The following SLC12A4 variants were observed in gnomAD, a reference collection of about 807,000 sequenced individuals.
SLC12A4 encodes electroneutral potassium-chloride cotransporter 1.
A neutral mutation model predicts 119.2 loss-of-function variants in SLC12A4; 84 were observed. The observed-to-expected ratio is 0.70, with a 90% CI of 0.59 to 0.85. The LOEUF (loss-of-function observed/expected upper bound fraction) is 0.85, where lower values mean the gene tolerates loss of function less well. Ranked by LOEUF, SLC12A4 falls within the 40% of genes least tolerant of loss-of-function variation. The pLI is 0.00. For missense variants in SLC12A4, 1,298 were observed against 1,476.3 expected (o/e 0.88, Z 1.98); for synonymous variants, 599 against 604.6 (o/e 0.99, Z 0.14).
intron 1 of SLC12A4, chr16:67,966,790 G>T (rs1001658085): frequency 1.3e-6 from 2 of 1,551,312 alleles, no homozygotes; most frequent in Non-Finnish European, 1.7e-6. Context: ...AGACAGCCAA[G>T]GTCTGGCTGG....
chr16:67,968,347 G>T, intron 1 of SLC12A4, 92 bp downstream of exon 1: 1 of 1,185,898 alleles, frequency 8.4e-7, no homozygotes, highest in Non-Finnish European at 1.1e-6. Flanking sequence ...TGCGCGCAAG[G>T]TCCCGGGATA....
rs373425859 is a variant in SLC12A4, at chr16:67,957,919, G to C, written c.468C>G (p.Ile156Met). ...TCACACAACAGCAGCAGATAAGCAC[G>C]ATGAGGAGGGCCTGTAGCACACCTG... Reference protein sequence around the residue: ...GTAGVLQALLIVLICCCCTLL... With the variant: ...GTAGVLQALLMVLICCCCTLL... Residue 156 changes from isoleucine to methionine, a missense_variant, in exon 4 of 24, where the codon ATC (isoleucine) becomes ATG (methionine). By Grantham distance (10) the Ile-to-Met change is conservative. Transcript: ENST00000316341. The C allele has an allele frequency of 2.5e-6, 4 of 1,604,754 alleles. No individual in the cohort carries two copies. In the African/African-American group the frequency reaches 5.4e-5, roughly 22 times the overall value.
In SLC12A4 at chr16:67,950,738, C is replaced by T; in HGVS notation, c.1397-27G>A. ...TGCGGCGGCGTCAAGGAAAACTCGG[C>T]CTCTGCCACCCCACTGTCCCTGAAT... On this transcript the variant is annotated intron_variant, in intron 10 of 23. Transcript: ENST00000316341. The surrounding 1 kb of genome is among the most constrained non-coding windows in gnomAD (Gnocchi z 4.3). 6.3e-7 allele frequency: 1 copy of T among 1,589,610 alleles called. No individual in the cohort carries two copies. Among genetic ancestry groups the T allele is most frequent in the Non-Finnish European group, 8.6e-7 (1 of 1,168,690 alleles).
In SLC12A4 at chr16:67,947,425, CCTT is replaced by C; in HGVS notation, c.1975_1977del (p.Lys659del). ...AGGCCTCGGATCCCGTCACCCCACT[CCTT>C]CTCAGCCCTGCAGATTCCACCACAG... On this transcript the variant is annotated inframe_deletion, in exon 16 of 24. Coordinates refer to ENST00000316341, the MANE Select transcript of SLC12A4 (RefSeq NM_005072.5). The C allele has an allele frequency of 2.5e-6, 4 of 1,612,162 alleles. No homozygotes were observed. The highest frequency in any genetic ancestry group is 3.4e-6 in the Non-Finnish European group (4 of 1,179,660).
In SLC12A4 at chr16:67,943,824, G is replaced by A; in HGVS notation, c.*1016C>T. 3.3e-6 allele frequency: 3 copies of A among 919,552 alleles called. No homozygotes were observed. The highest frequency in any genetic ancestry group is 4.9e-6 in the Non-Finnish European group (3 of 617,536). The allele number at this position is 919,552 out of a possible 1,614,324, so 57.0% of individuals were successfully genotyped here. On this transcript the variant is annotated 3_prime_UTR_variant, in exon 24 of 24. Transcript: ENST00000316341. This position sits in a 1 kb window ranked among gnomAD's most constrained non-coding sequence, Gnocchi z 4.6. ...AAGCTTTTGGCCCCTCCCCACACCA[G>A]GGCAGGTACTTATGTCGGGGCTTAT...
intron 16 of SLC12A4, 51 bp downstream of exon 16, chr16:67,947,280 A>G: frequency 6.4e-7 from 1 of 1,571,888 alleles, no homozygotes; most frequent in South Asian, 1.1e-5. Context: ...TGACCCCGAC[A>G]GCGACCCCTA....
At chr16:67,956,813 TACAC>T (rs1014255770) in intron 5 of SLC12A4, among the ~76,000 whole-genome samples, 21 of 144,858 alleles carry the variant, frequency 1.4e-4, no homozygotes, top group South Asian at 1.3e-3. Flanking sequence ...TTTTGGGAAA[TACAC>T]ACAAACACAC....
At chr16:67,963,646 C>T (rs533737298) in intron 1 of SLC12A4, 87 bp from the exon 2 acceptor site, 3 of 1,050,018 alleles carry the variant, frequency 2.9e-6, no homozygotes, top group African/African-American at 3.2e-5. Context: ...CAAATCATTT[C>T]TGTGGAGCAC....
intron 13 of SLC12A4, 66 bp from the exon 14 acceptor site, chr16:67,948,225 G>C: frequency 6.6e-7 from 1 of 1,510,242 alleles, no homozygotes; most frequent in Non-Finnish European, 9.2e-7. Flanking sequence ...ATGTCAGGCT[G>C]GGCCTGGCCC....
intron 6 of SLC12A4, among the ~76,000 whole-genome samples, chr16:67,953,883 T>C (rs1044822374): frequency 1.3e-5 from 2 of 152,204 alleles, no homozygotes; most frequent in African/African-American, 4.8e-5. Context: ...GCTGAATAGA[T>C]AAACAGGAGA....
rs369158112 is a variant in SLC12A4 at position 67,952,379 on chromosome 16, T to G, written c.722A>C (p.His241Pro). Residue 241 changes from histidine to proline, a missense_variant, in exon 7 of 24, where the codon CAT (histidine) becomes CCT (proline). His to Pro is a moderately conservative substitution (Grantham distance 77). Coordinates refer to ENST00000316341, the MANE Select transcript of SLC12A4 (RefSeq NM_005072.5). ...PAAIFYPSGAHDTSNATLNNM... is the reference protein window; with the variant it reads ...PAAIFYPSGAPDTSNATLNNM... ...GTTCAAAGTGGCATTCGACGTGTCATGAGCACCCGATGGGTAAAAAATGGC... is the reference window on the plus strand; with the variant it reads ...GTTCAAAGTGGCATTCGACGTGTCAGGAGCACCCGATGGGTAAAAAATGGC... The G allele has an allele frequency of 6.2e-7, 1 of 1,614,208 alleles. No homozygotes were observed. Among genetic ancestry groups the G allele is most frequent in the Non-Finnish European group, 8.5e-7 (1 of 1,180,010 alleles).
At chr16:67,966,027 G>C (rs1421936195) in intron 1 of SLC12A4, among the ~76,000 whole-genome samples, 1 of 152,212 alleles carries the variant, frequency 6.6e-6, no homozygotes, top group Non-Finnish European at 1.5e-5. Context: ...AATTTGGCCA[G>C]GGTACGCATA....
chr16:67,963,594 CT>C, intron 1 of SLC12A4, 35 bp from the exon 2 acceptor site: 1 of 1,469,646 alleles, frequency 6.8e-7, no homozygotes, highest in South Asian at 1.3e-5. Context: ...GGCCTGCTTC[CT>C]GAGCCCCCCA....
At chr16:67,954,511 A>C in intron 6 of SLC12A4, 132 bp downstream of exon 6, 3 of 1,138,666 alleles carry the variant, frequency 2.6e-6, no homozygotes, top group Non-Finnish European at 3.7e-6. Flanking sequence ...TTGTCTCTCG[A>C]AGAGGCTTCC....
chr16:67,960,003 C>A (rs543544893), intron 3 of SLC12A4, among the ~76,000 whole-genome samples: 21 of 152,372 alleles, frequency 1.4e-4, no homozygotes, highest in African/African-American at 4.1e-4. Flanking sequence ...GCTCCTCCTT[C>A]TTCCATGAAA....
Position 67,949,862 on chromosome 16 carries a change from T to C in SLC12A4, c.1686A>G (p.Ala562=). The C allele has an allele frequency of 1.2e-6, 2 of 1,609,900 alleles. No homozygotes were observed. Among genetic ancestry groups the C allele is most frequent in the Non-Finnish European group, 8.5e-7 (1 of 1,178,246 alleles). The change falls in exon 13 of 24, where the codon GCA becomes GCG. Residue 562 remains alanine (A), a synonymous_variant. Transcript: ENST00000316341. This position sits in a 1 kb window ranked among gnomAD's most constrained non-coding sequence, Gnocchi z 4.6. ...GEPTWALLLT[A]LIAELGILIA... is the part of the protein sequence containing the mutation. ...TGAGGATGCCCAGCTCGGCGATGAGTGCCGTCAGGAGGAGTGCCCATGTGG... is the reference window on the plus strand; with the variant it reads ...TGAGGATGCCCAGCTCGGCGATGAGCGCCGTCAGGAGGAGTGCCCATGTGG...
rs1021230108 is a variant in SLC12A4 at position 67,943,718 on chromosome 16, G to A, written c.*1122C>T. On this transcript the variant is annotated 3_prime_UTR_variant, in exon 24 of 24. Coordinates refer to ENST00000316341, the MANE Select transcript of SLC12A4 (RefSeq NM_005072.5). This position sits in a 1 kb window ranked among gnomAD's most constrained non-coding sequence, Gnocchi z 4.6. ...CCAGCCAAGACCTCAGGCACACCCC[G>A]TCCCCCACTCCGCCCCCCCTGGGTT... is the stretch of plus-strand genomic sequence containing the variant. 2.5e-5 allele frequency: 14 copies of A among 565,256 alleles called. No individual in the cohort carries two copies. The highest frequency in any genetic ancestry group is 7.2e-5 in the South Asian group (3 of 41,742). The allele number at this position is 565,256 out of a possible 1,614,324, so 35.0% of individuals were successfully genotyped here.
intron 1 of SLC12A4, among the ~76,000 whole-genome samples, chr16:67,965,096 G>A (rs1364740940): frequency 6.6e-6 from 1 of 152,180 alleles, no homozygotes; most frequent in East Asian, 1.9e-4. Context: ...GTGGACAAAG[G>A]CAGCCAGAGG....
chr16:67,944,878 G>A lies in SLC12A4; in HGVS notation c.3220C>T (p.Arg1074Cys), dbSNP rs758750980. 1.9e-6 allele frequency: 3 copies of A among 1,613,292 alleles called. No individual in the cohort carries two copies. The highest frequency in any genetic ancestry group is 2.2e-5 in the South Asian group (2 of 91,078). Residue 1074 changes from arginine (R) to cysteine (C), a missense_variant, in exon 24 of 24, where the codon CGC becomes TGC. Transcript: ENST00000316341. The surrounding 1 kb of genome is among the most constrained non-coding windows in gnomAD (Gnocchi z 6.6). Reference protein sequence around the residue: ...TEGLERVLLVRGGGREVITIY... With the variant: ...TEGLERVLLVCGGGREVITIY... Reference sequence around the variant, plus strand: ...GTGATGACTTCACGGCCACCACCGCGCACCAACAGCACCCGCTCAAGGCCC... The same window carrying A: ...GTGATGACTTCACGGCCACCACCGCACACCAACAGCACCCGCTCAAGGCCC...
Sources: allele counts gnomAD v4.1 joint callset (sites outside exome capture counted in the v4.1 genomes callset), GRCh38; gene constraint gnomAD v4.1.1; non-coding constraint Gnocchi (gnomAD v3.1); transcripts MANE v1.5; gene names NCBI Gene and HGNC (gene_info 2026-07-23, HGNC 2026-07-21).